LDAH: variants seen among roughly 807,000 people sequenced by gnomAD.
LDAH encodes lipid droplet associated hydrolase, also known as lipid droplet-associated hydrolase.
In LDAH, 26 loss-of-function variants were observed where a neutral mutation model predicts 29.6. The observed-to-expected ratio is 0.88, with a 90% CI of 0.64 to 1.22. LDAH has a LOEUF of 1.22. Among genes scored for constraint, LDAH ranks in the 50% most tolerant of loss-of-function variants. The pLI is 0.00. For synonymous variants in LDAH, 117 were observed against 133.0 expected, an observed-to-expected ratio of 0.88 and a Z score of 0.83; for missense variants, 344 against 387.3, an observed-to-expected ratio of 0.89 and a Z score of 0.94.
intron 1 of LDAH, among the ~76,000 whole-genome samples, chr2:20,820,110 A>C (rs1340667807): frequency 2.6e-5 from 4 of 152,086 alleles, no homozygotes; most frequent in African/African-American, 9.7e-5. Flanking sequence ...CAATGAAATA[A>C]AAGAGGACAC....
intron 4 of LDAH, among the ~76,000 whole-genome samples, chr2:20,753,694 T>A (rs1048951176): frequency 6.6e-6 from 1 of 152,212 alleles, no homozygotes; most frequent in African/African-American, 2.4e-5. Context: ...CAAACAGGCA[T>A]ACTCACGGCC....
At position 20,685,023 on chromosome 2, in the gene LDAH, C is replaced by A; in HGVS notation, c.*1880G>T. ...ACTGCTCAAATTGTACCCTCTCTTGCCCAACACAGAGATCAGGCCAGACCA... is the reference window on the plus strand; with the variant it reads ...ACTGCTCAAATTGTACCCTCTCTTGACCAACACAGAGATCAGGCCAGACCA... On this transcript the variant is annotated 3_prime_UTR_variant, in exon 7 of 7. Coordinates refer to ENST00000237822, the MANE Select transcript of LDAH (RefSeq NM_021925.4). 2 of 1,460,868 alleles carry A rather than the reference C, an allele frequency of 1.4e-6. No homozygotes were observed. The highest frequency in any genetic ancestry group is 1.8e-6 in the Non-Finnish European group (2 of 1,083,576). 90.5% of individuals were successfully genotyped at this position (1,460,868 alleles called of 1,614,324 possible).
intron 5 of LDAH, among the ~76,000 whole-genome samples, chr2:20,736,010 C>A (rs1666753447): frequency 6.6e-6 from 1 of 152,076 alleles, no homozygotes; most frequent in Non-Finnish European, 1.5e-5. Context: ...TGGGACAGTA[C>A]CGTAGAGCAG....
chr2:20,683,111 G>A (rs904161237), downstream of LDAH, among the ~76,000 whole-genome samples: 7 of 152,008 alleles, frequency 4.6e-5, no homozygotes, highest in African/African-American at 1.7e-4. Flanking sequence ...ACCCTCGTTC[G>A]TGCTCTGAGG....
intron 5 of LDAH, among the ~76,000 whole-genome samples, chr2:20,734,510 T>A (rs893190371): frequency 6.6e-6 from 1 of 152,212 alleles, no homozygotes; most frequent in African/African-American, 2.4e-5. Flanking sequence ...ACTATGTACA[T>A]ATGGTTACAT....
At position 20,789,791 on chromosome 2, in the gene LDAH, T is replaced by C. The variant is rs373246837; in HGVS notation, c.298+464A>G. 1.4e-3 allele frequency among the ~76,000 whole-genome samples: 206 copies of C among 152,040 alleles called. 3 individuals carry two copies. The South Asian group carries it at 0.037, about 27-fold the overall frequency. ...CGGCAGCAATGGATTCTCATAGGAG[T>C]ACCCTACTGTGAACTGTGCATGCCA... is the stretch of plus-strand genomic sequence containing the variant. On this transcript the variant is annotated intron_variant, in intron 3 of 6. Transcript: ENST00000237822.
chr2:20,729,220 C>A (rs1291627734), intron 5 of LDAH, among the ~76,000 whole-genome samples: 1 of 152,080 alleles, frequency 6.6e-6, no homozygotes, highest in African/African-American at 2.4e-5. Flanking sequence ...TCCTTTCTTT[C>A]AAGTGCAGCT....
At chr2:20,732,027 G>A (rs553090434) in intron 5 of LDAH, among the ~76,000 whole-genome samples, 6 of 152,092 alleles carry the variant, frequency 3.9e-5, no homozygotes, top group East Asian at 1.9e-4. Context: ...TGACTAGAAC[G>A]TCCAGCACTA....
chr2:20,808,458 T>TA (rs1672235605), intron 1 of LDAH, among the ~76,000 whole-genome samples: 1 of 152,098 alleles, frequency 6.6e-6, no homozygotes, highest in African/African-American at 2.4e-5. Context: ...GGTCAGAAGA[T>TA]AGAGACCATC....
At chr2:20,804,611 C>T (rs1671940620) in intron 1 of LDAH, among the ~76,000 whole-genome samples, 1 of 152,066 alleles carries the variant, frequency 6.6e-6, no homozygotes, top group East Asian at 1.9e-4. Flanking sequence ...TTATGCATTT[C>T]TTTTCTAACA....
intron 6 of LDAH, among the ~76,000 whole-genome samples, chr2:20,695,557 A>G (rs1558383581): frequency 6.6e-6 from 1 of 151,726 alleles, no homozygotes; most frequent in Non-Finnish European, 1.5e-5. Flanking sequence ...GGTTCAAGCA[A>G]TTCTGCCTCA....
intron 3 of LDAH, among the ~76,000 whole-genome samples, chr2:20,785,378 C>T (rs1161189118): frequency 6.6e-6 from 1 of 152,198 alleles, no homozygotes; most frequent in Non-Finnish European, 1.5e-5. Flanking sequence ...CTCCATTCTC[C>T]TCTTTGTTGA....
In LDAH at chr2:20,698,913, A is replaced by C. The variant is rs1242055368; in HGVS notation, c.786+2657T>G. ...TGCCCATTTTCCTCAAGCATATAAAAAGCTCTCTTCTTGTGTCAAATGGAA... is the reference window on the plus strand; with the variant it reads ...TGCCCATTTTCCTCAAGCATATAAACAGCTCTCTTCTTGTGTCAAATGGAA... On this transcript the variant is annotated intron_variant, in intron 6 of 6. Coordinates refer to ENST00000237822, the MANE Select transcript of LDAH (RefSeq NM_021925.4). This position sits in a 1 kb window ranked among gnomAD's most constrained non-coding sequence, Gnocchi z 4.4. Among the ~76,000 whole-genome samples, 1 of 152,214 alleles carries C rather than the reference A, an allele frequency of 6.6e-6. No individual in the cohort carries two copies.
chr2:20,743,251 A>C (rs1028390234), intron 4 of LDAH, among the ~76,000 whole-genome samples: 2 of 151,896 alleles, frequency 1.3e-5, no homozygotes, highest in African/African-American at 4.8e-5. Flanking sequence ...TAAAAAAAAA[A>C]AATTCTTCTA....
At chr2:20,789,953 C>G (rs560529754) in intron 3 of LDAH, among the ~76,000 whole-genome samples, 1 of 152,122 alleles carries the variant, frequency 6.6e-6, no homozygotes, top group Non-Finnish European at 1.5e-5. Context: ...CTGCTTTTTC[C>G]CCACCATTCC....
At chr2:20,811,103 C>G (rs1672457406) in intron 1 of LDAH, among the ~76,000 whole-genome samples, 1 of 150,282 alleles carries the variant, frequency 6.7e-6, no homozygotes, top group Admixed American at 6.6e-5. Flanking sequence ...CTGCAAGCTC[C>G]ACCTCCCGGG....
intron 5 of LDAH, among the ~76,000 whole-genome samples, chr2:20,716,255 C>T (rs1391811221): frequency 1.3e-5 from 2 of 152,106 alleles, no homozygotes; most frequent in Non-Finnish European, 2.9e-5. Flanking sequence ...ATAAATCATG[C>T]TACTATAAAG....
chr2:20,821,791 A>T (rs553276118), intron 1 of LDAH, among the ~76,000 whole-genome samples: 1 of 152,340 alleles, frequency 6.6e-6, no homozygotes, highest in East Asian at 1.9e-4. Flanking sequence ...AAAAAGAAAG[A>T]AAAAATCCTC....
At chr2:20,728,810 TA>T (rs1483928698) in intron 5 of LDAH, among the ~76,000 whole-genome samples, 5 of 151,010 alleles carry the variant, frequency 3.3e-5, no homozygotes, top group Non-Finnish European at 5.9e-5. Context: ...CTGGGTAGGT[TA>T]TGGGGAAAAA....
Sources: gnomAD v4.1 joint callset for allele counts (sites outside exome capture counted in the v4.1 genomes callset) on GRCh38, gnomAD v4.1.1 for gene constraint, Gnocchi (gnomAD v3.1) non-coding constraint, MANE v1.5 for transcripts, NCBI Gene and HGNC (gene_info 2026-07-23, HGNC 2026-07-21) for gene names.